NHSL1: variants seen among roughly 807,000 people sequenced by gnomAD.
NHSL1 encodes NHS like 1.
NHSL1 carries 48 observed loss-of-function variants against 95.0 expected under a neutral mutation model. The ratio of observed to expected loss-of-function variants is 0.51; its 90% CI spans 0.40 to 0.64. The LOEUF (loss-of-function observed/expected upper bound fraction) is 0.64, where lower values mean the gene tolerates loss of function less well. Ranked by LOEUF, NHSL1 falls within the 30% of genes least tolerant of loss-of-function variation. The probability of loss-of-function intolerance (pLI) is 0.00; values close to 1 mark genes in which losing one functional copy is unlikely to be tolerated. For synonymous variants in NHSL1, 783 were observed against 833.9 expected, an observed-to-expected ratio of 0.94 and a Z score of 1.05; for missense variants, 1,971 against 2,077.7, an observed-to-expected ratio of 0.95 and a Z score of 1.00.
At chr6:138,684,416 G>A (rs940376522) in intron 1 of NHSL1, among the ~76,000 whole-genome samples, 1 of 152,094 alleles carries the variant, frequency 6.6e-6, no homozygotes, top group African/African-American at 2.4e-5. Context: ...GGGAGGCCAA[G>A]GCGGGCGGAT....
chr6:138,501,520 C>T (rs910082850), upstream of NHSL1, among the ~76,000 whole-genome samples: 2 of 152,048 alleles, frequency 1.3e-5, no homozygotes, highest in Non-Finnish European at 2.9e-5. Context: ...TTGAAGGAGG[C>T]AATGGCAAGA....
At chr6:138,529,093 T>A (rs1782028573) in intron 1 of NHSL1, among the ~76,000 whole-genome samples, 1 of 152,190 alleles carries the variant, frequency 6.6e-6, no homozygotes, top group African/African-American at 2.4e-5. Context: ...CAGCATATAA[T>A]AGCATAAGAT....
chr6:138,574,557 T>G (rs533291524), upstream of NHSL1, among the ~76,000 whole-genome samples: 1 of 151,742 alleles, frequency 6.6e-6, no homozygotes, highest in African/African-American at 2.4e-5. Flanking sequence ...CTGGGCACGG[T>G]GGCTTACGTC....
intron 1 of NHSL1, among the ~76,000 whole-genome samples, chr6:138,551,001 C>A (rs553014316): frequency 1.3e-5 from 2 of 152,212 alleles, no homozygotes; most frequent in South Asian, 4.2e-4. Context: ...TTTCAGTTAC[C>A]CCTGGTCAAC....
chr6:138,517,605 T>C (rs984407795), intron 1 of NHSL1, among the ~76,000 whole-genome samples: 7 of 152,314 alleles, frequency 4.6e-5, no homozygotes, highest in South Asian at 2.1e-4. Flanking sequence ...AGGCAAACAA[T>C]AGAATCCAGT....
chr6:138,584,516 G>A (rs1784105051), intron 1 of NHSL1, among the ~76,000 whole-genome samples: 2 of 152,186 alleles, frequency 1.3e-5, no homozygotes, highest in Non-Finnish European at 2.9e-5. Context: ...ATTTCATAAT[G>A]ACTACTTCAG....
In NHSL1 at chr6:138,432,559, C is replaced by T. The variant is rs749472277; in HGVS notation, c.1786G>A (p.Ala596Thr). ...TGGTCCTCAGAATACAGCGACCCAG[C>T]ATCCTCTTTGTTGGACGTTTGGTCC... ...SLDQTSNKEDAGSLYSEDHDG... is the reference protein window; with the variant it reads ...SLDQTSNKEDTGSLYSEDHDG... Residue 596 changes from alanine (A) to threonine (T), a missense_variant, in exon 6 of 8, where the codon GCT becomes ACT. This residue lies in a region of NHSL1 where 1,602 missense variants were observed against 1,654.5 expected (regional missense o/e 0.97). Coordinates refer to ENST00000343505, the MANE Select transcript of NHSL1 (RefSeq NM_001144060.2). This position sits in a 1 kb window ranked among gnomAD's most constrained non-coding sequence, Gnocchi z 4.4. 14 of 1,552,062 alleles carry T rather than the reference C, an allele frequency of 9.0e-6. No individual in the cohort carries two copies. The South Asian group carries it at 1.3e-4, about 15-fold the overall frequency.
chr6:138,571,785 C>T (rs2114442775), exon 1 of NHSL1: 2 of 1,552,314 alleles, frequency 1.3e-6, no homozygotes, highest in Non-Finnish European at 1.7e-6. Context: ...GAGAGCTCTC[C>T]ATCACTGCGA....
intron 1 of NHSL1, among the ~76,000 whole-genome samples, chr6:138,666,531 G>C (rs1583472339): frequency 1.4e-5 from 2 of 145,574 alleles, no homozygotes; most frequent in South Asian, 4.3e-4. Context: ...GGTAGAGCTT[G>C]CAGTGAGCTG....
chr6:138,657,017 T>C (rs1785165806), intron 1 of NHSL1, among the ~76,000 whole-genome samples: 1 of 152,220 alleles, frequency 6.6e-6, no homozygotes, highest in African/African-American at 2.4e-5. Context: ...ATATTCTAGA[T>C]GCCCTTCAAG....
At chr6:138,528,644 T>C (rs1267314352) in intron 1 of NHSL1, among the ~76,000 whole-genome samples, 2 of 152,232 alleles carry the variant, frequency 1.3e-5, no homozygotes, top group African/African-American at 4.8e-5. Flanking sequence ...ATTATCACCC[T>C]ATACAGACAA....
intron 1 of NHSL1, among the ~76,000 whole-genome samples, chr6:138,627,532 GA>G (rs1017821029): frequency 2.6e-5 from 4 of 151,772 alleles, no homozygotes; most frequent in African/African-American, 9.7e-5. Context: ...TTAATCGTCA[GA>G]AAAAAAATCT....
chr6:138,465,568 C>T (rs1211376905), intron 3 of NHSL1, among the ~76,000 whole-genome samples: 1 of 152,150 alleles, frequency 6.6e-6, no homozygotes, highest in Admixed American at 6.5e-5. Context: ...TACTGTATGC[C>T]AAACACTTAT....
At chr6:138,440,587 C>T (rs79067602) in intron 5 of NHSL1, among the ~76,000 whole-genome samples, 45 of 151,926 alleles carry the variant, frequency 3.0e-4, no homozygotes, top group African/African-American at 9.0e-4. Flanking sequence ...CATTGCTATT[C>T]TCACCTGACT....
At chr6:138,447,237 G>A in intron 3 of NHSL1, 44 bp from the exon 4 acceptor site, 3 of 1,425,238 alleles carry the variant, frequency 2.1e-6, no homozygotes, top group South Asian at 1.3e-5. Context: ...ATAAAGAGCT[G>A]GCAGAAACAT....
At chr6:138,461,078 A>C (rs977808558) in intron 3 of NHSL1, among the ~76,000 whole-genome samples, 1 of 152,112 alleles carries the variant, frequency 6.6e-6, no homozygotes, top group East Asian at 1.9e-4. Context: ...ACCAGGCCCA[A>C]TGTTTTTGAC....
chr6:138,434,410 TA>T (rs373971787), intron 5 of NHSL1, among the ~76,000 whole-genome samples: 1,552 of 138,124 alleles, frequency 0.011, 10 homozygotes, highest in Admixed American at 0.034. Context: ...AATAGTATGT[TA>T]AAAAAAAAAA....
intron 1 of NHSL1, among the ~76,000 whole-genome samples, chr6:138,530,164 A>T (rs1782075756): frequency 6.6e-6 from 1 of 152,178 alleles, no homozygotes; most frequent in African/African-American, 2.4e-5. Context: ...ATCAGAGTGG[A>T]GACCCCATGA....
At chr6:138,662,089 C>A (rs1562405777) in intron 1 of NHSL1, among the ~76,000 whole-genome samples, 1 of 149,460 alleles carries the variant, frequency 6.7e-6, no homozygotes, top group Admixed American at 6.7e-5. Context: ...ATAGTAATAA[C>A]AATAATAATA....
Sources: allele counts gnomAD v4.1 joint callset (sites outside exome capture counted in the v4.1 genomes callset), GRCh38; gene constraint gnomAD v4.1.1; regional missense constraint gnomAD v4.1.1; non-coding constraint Gnocchi (gnomAD v3.1); transcripts MANE v1.5; gene names NCBI Gene and HGNC (gene_info 2026-07-23, HGNC 2026-07-21).